The following SHANK2 variants were observed in gnomAD, a reference collection of about 807,000 sequenced individuals.
SHANK2 encodes SH3 and multiple ankyrin repeat domains protein 2.
Under a neutral mutation model 133.7 loss-of-function variants are expected in SHANK2, and 43 were observed. The ratio of observed to expected loss-of-function variants is 0.32; its 90% CI spans 0.25 to 0.41. The LOEUF (loss-of-function observed/expected upper bound fraction) is 0.41. SHANK2 is among the 10% of genes least tolerant of loss of function. The pLI is 1.00. For missense variants in SHANK2, 1,994 were observed against 2,235.8 expected (o/e 0.89, Z 2.18); for synonymous variants, 1,017 against 952.8 (o/e 1.07, Z -1.24).
At chr11:70,619,617 A>G (rs940682099) in intron 17 of SHANK2, among the ~76,000 whole-genome samples, 1 of 152,202 alleles carries the variant, frequency 6.6e-6, no homozygotes, top group Non-Finnish European at 1.5e-5. Flanking sequence ...GCACGTGGAC[A>G]TCTTGGGGAC....
chr11:70,495,151 C>T lies in SHANK2; in HGVS notation c.2309-2686G>A, dbSNP rs143325009. Among the ~76,000 whole-genome samples, 227 of 152,344 alleles carry T rather than the reference C, an allele frequency of 1.5e-3. 2 individuals are homozygous for T. Among genetic ancestry groups the T allele is most frequent in the African/African-American group, 4.9e-3 (203 of 41,582 alleles). Reference sequence around the variant, plus strand: ...TTCAAGGCCCTCATCCCAGCTCCTCCGGCTGCAGCAGGTGCTGCATGGCTG... The same window carrying T: ...TTCAAGGCCCTCATCCCAGCTCCTCTGGCTGCAGCAGGTGCTGCATGGCTG... On this transcript the variant is annotated intron_variant, in intron 21 of 25. Coordinates refer to ENST00000601538, the MANE Select transcript of SHANK2 (RefSeq NM_012309.5).
rs184674841 is a variant in SHANK2, at chr11:70,710,963, T to C, written c.1778-12200A>G. ...TCTTTTTTTTCTTTTCCTGAAGATT[T>C]ATCTGCAATCTCACCCAAGACAGAG... is the stretch of plus-strand genomic sequence containing the variant. On this transcript the variant is annotated intron_variant, in intron 14 of 25. Transcript: ENST00000601538. 3.9e-3 allele frequency among the ~76,000 whole-genome samples: 600 copies of C among 152,286 alleles called. 2 individuals carry two copies. Among genetic ancestry groups the C allele is most frequent in the African/African-American group, 0.014 (584 of 41,546 alleles).
intron 11 of SHANK2, among the ~76,000 whole-genome samples, chr11:70,890,261 T>C (rs782495098): frequency 4.6e-5 from 7 of 152,062 alleles, no homozygotes; most frequent in Non-Finnish European, 7.4e-5. Flanking sequence ...GCCAACACTT[T>C]GGGAGGCCGA....
At chr11:70,780,628 C>T (rs1319393007) in intron 14 of SHANK2, among the ~76,000 whole-genome samples, 2 of 147,670 alleles carry the variant, frequency 1.4e-5, no homozygotes, top group Non-Finnish European at 3.0e-5. Context: ...GGCTGGAGTG[C>T]AATGGCACAG....
chr11:70,718,420 C>T (rs1192801035), intron 14 of SHANK2, among the ~76,000 whole-genome samples: 1 of 152,158 alleles, frequency 6.6e-6, no homozygotes, highest in Admixed American at 6.5e-5. Flanking sequence ...GTGCCTTCCT[C>T]TGGGCAGTGG....
intron 14 of SHANK2, among the ~76,000 whole-genome samples, chr11:70,755,840 C>T (rs918991004): frequency 6.6e-6 from 1 of 152,228 alleles, no homozygotes; most frequent in Non-Finnish European, 1.5e-5. Context: ...CTGGGGCCAT[C>T]GTAGGGCCAC....
At chr11:70,489,660 GT>G in intron 23 of SHANK2, 1 of 461,200 alleles carries the variant, frequency 2.2e-6, no homozygotes, top group Non-Finnish European at 3.9e-6. Flanking sequence ...AATTGACACA[GT>G]AAAGGCAATG....
At chr11:70,903,730 T>C (rs1555077342) in intron 10 of SHANK2, among the ~76,000 whole-genome samples, 1 of 152,240 alleles carries the variant, frequency 6.6e-6, no homozygotes, top group Non-Finnish European at 1.5e-5. Flanking sequence ...TTGTCTCTTC[T>C]GCCACATGCA....
chr11:70,504,182 C>T (rs994684658), intron 17 of SHANK2, among the ~76,000 whole-genome samples: 16 of 152,244 alleles, frequency 1.1e-4, no homozygotes, highest in Admixed American at 2.6e-4. Flanking sequence ...GTGCTGTACG[C>T]ATATCCTCCT....
rs782059313 is a variant in SHANK2, at chr11:70,788,820, G to C, written c.1777+9623C>G. 2.6e-4 allele frequency among the ~76,000 whole-genome samples: 39 copies of C among 152,176 alleles called. 2 individuals are homozygous for C. The highest frequency in any genetic ancestry group is 2.5e-3 in the Admixed American group (38 of 15,284). On this transcript the variant is annotated intron_variant, in intron 14 of 25. Transcript: ENST00000601538. ...GTCCTATAGGAGACAGGAGGTGACG[G>C]CTCCAGGTGTGGCTTCAGATGATAG...
At chr11:70,899,565 C>T (rs1028971064) in intron 10 of SHANK2, among the ~76,000 whole-genome samples, 9 of 152,224 alleles carry the variant, frequency 5.9e-5, no homozygotes, top group Non-Finnish European at 1.3e-4. Flanking sequence ...AGCATGTCTC[C>T]AGGCCACATT....
intron 17 of SHANK2, among the ~76,000 whole-genome samples, chr11:70,624,864 A>G (rs910459112): frequency 4.6e-5 from 7 of 152,172 alleles, no homozygotes; most frequent in Non-Finnish European, 1.0e-4. Context: ...CTCCACCCAG[A>G]GCCTGGTCTC....
In SHANK2 at chr11:70,662,772, CTCGCCACATGACA is replaced by C. The variant is rs1944593645; in HGVS notation, c.1854-1107_1854-1095del. ...TGTCCTCTCGCTTTTCCTGCTGGCA[CTCGCCACATGACA>C]TCCAGCCCCCGAGGCACCCAGAGTG... is the stretch of plus-strand genomic sequence containing the variant. On this transcript the variant is annotated intron_variant, in intron 15 of 25. Transcript: ENST00000601538. Among the ~76,000 whole-genome samples, 3 of 152,106 alleles carry C rather than the reference CTCGCCACATGACA, an allele frequency of 2.0e-5. No homozygotes were observed. The South Asian group carries it at 6.2e-4, about 31-fold the overall frequency.
intron 17 of SHANK2, among the ~76,000 whole-genome samples, chr11:70,562,136 C>T (rs1001190670): frequency 8.5e-5 from 13 of 152,136 alleles, no homozygotes; most frequent in Non-Finnish European, 1.5e-4. Context: ...GTTTCTAATA[C>T]GATTCCGTTT....
In SHANK2 at chr11:70,479,059, G is replaced by T. The variant is rs2058699930; in HGVS notation, c.4980-5620C>A. Among the ~76,000 whole-genome samples, 1 of 152,166 alleles carries T rather than the reference G, an allele frequency of 6.6e-6. No homozygotes were observed. Among genetic ancestry groups the T allele is most frequent in the Non-Finnish European group, 1.5e-5 (1 of 68,042 alleles). ...TGACTTGAGATTTGCCTGTTGATGG[G>T]CAAGGACGAGGCACTCCCATTCATC... On this transcript the variant is annotated intron_variant, in intron 25 of 25. Transcript: ENST00000601538. The surrounding 1 kb of genome is among the most constrained non-coding windows in gnomAD (Gnocchi z 4.4).
chr11:70,661,946 T>C, intron 15 of SHANK2: 2 of 790,694 alleles, frequency 2.5e-6, no homozygotes, highest in Admixed American at 4.2e-5. Flanking sequence ...GAGTCATACA[T>C]GGTGGGGCGG....
intron 17 of SHANK2, among the ~76,000 whole-genome samples, chr11:70,568,807 G>A (rs1455550927): frequency 6.6e-6 from 1 of 152,130 alleles, no homozygotes; most frequent in Non-Finnish European, 1.5e-5. Context: ...GTGGCTCCAA[G>A]ACTTTGATTC....
Position 71,152,269 on chromosome 11 carries a change from T to C in SHANK2, c.-12-4931A>G, listed in dbSNP as rs2135429299. ...CTGGGATTACAGATACCTGCCACCA[T>C]GCCTTGCGAATTTTTTGTATTTTTA... On this transcript the variant is annotated intron_variant, in intron 2 of 25. Transcript: ENST00000601538. 1.3e-5 allele frequency among the ~76,000 whole-genome samples: 2 copies of C among 152,246 alleles called. 1 individual carries two copies. Among genetic ancestry groups the C allele is most frequent in the African/African-American group, 4.8e-5 (2 of 41,540 alleles).
chr11:71,085,347 T>C (rs924406571), intron 8 of SHANK2, among the ~76,000 whole-genome samples: 2 of 149,584 alleles, frequency 1.3e-5, no homozygotes, highest in Admixed American at 1.4e-4. Flanking sequence ...TCCCAGGTAC[T>C]TGGGAGGCTG....
Sources: allele counts gnomAD v4.1 joint callset (sites outside exome capture counted in the v4.1 genomes callset), GRCh38; gene constraint gnomAD v4.1.1; non-coding constraint Gnocchi (gnomAD v3.1); transcripts MANE v1.5; gene names NCBI Gene and HGNC (gene_info 2026-07-23, HGNC 2026-07-21).